RERE: variants seen among roughly 807,000 people sequenced by gnomAD.
RERE encodes the protein arginine-glutamic acid dipeptide repeats, also known as arginine-glutamic acid dipeptide repeats protein.
In RERE, 40 loss-of-function variants were observed where a neutral mutation model predicts 146.1. The ratio of observed to expected loss-of-function variants is 0.27; its 90% CI spans 0.21 to 0.36. The LOEUF is 0.36. Among genes scored for constraint, RERE ranks in the 10% least tolerant of loss-of-function variants. The pLI, the probability that RERE is intolerant of heterozygous loss-of-function variation, is 1.00. For missense variants in RERE, 1,933 were observed against 2,138.7 expected (o/e 0.90, Z 1.90); for synonymous variants, 1,003 against 866.0 (o/e 1.16, Z -2.78).
intron 7 of RERE, among the ~76,000 whole-genome samples, chr1:8,511,516 A>C (rs982155352): frequency 6.6e-6 from 1 of 152,248 alleles, no homozygotes; most frequent in African/African-American, 2.4e-5. Context: ...CAAGAGTTAC[A>C]GAATATAGAA....
At chr1:8,637,725 C>T (rs1438460079) in intron 2 of RERE, among the ~76,000 whole-genome samples, 1 of 152,194 alleles carries the variant, frequency 6.6e-6, no homozygotes, top group Non-Finnish European at 1.5e-5. Flanking sequence ...TCTATTGACA[C>T]AACATTTCTC....
intron 1 of RERE, among the ~76,000 whole-genome samples, chr1:8,682,828 GA>G (rs1456151582): frequency 6.6e-6 from 1 of 151,900 alleles, no homozygotes; most frequent in Non-Finnish European, 1.5e-5. Flanking sequence ...GTCTTTATTA[GA>G]AATGACAAGT....
At chr1:8,385,838 G>A (rs1387052995) in intron 12 of RERE, among the ~76,000 whole-genome samples, 1 of 149,312 alleles carries the variant, frequency 6.7e-6, no homozygotes, top group South Asian at 2.1e-4. Flanking sequence ...ACGTGGTGGC[G>A]GGCGCCTGTA....
Position 8,385,432 on chromosome 1 carries a change from G to A in RERE, c.1285-19458C>T, listed in dbSNP as rs893442276. Among the ~76,000 whole-genome samples, 26 of 152,244 alleles carry A rather than the reference G, an allele frequency of 1.7e-4. No homozygotes were observed. The East Asian group carries it at 1.7e-3, about 10-fold the overall frequency. Reference sequence around the variant, plus strand: ...AGCAGAAATCACAACTGATCCAAGGGAGACCCTGGATGCAACTGCAAAAAA... The same window carrying A: ...AGCAGAAATCACAACTGATCCAAGGAAGACCCTGGATGCAACTGCAAAAAA... On this transcript the variant is annotated intron_variant, in intron 12 of 22. Coordinates refer to ENST00000400908, the MANE Select transcript of RERE (RefSeq NM_001042681.2).
At chr1:8,453,808 C>CAA (rs34155514) in intron 11 of RERE, among the ~76,000 whole-genome samples, 2 of 151,116 alleles carry the variant, frequency 1.3e-5, no homozygotes, top group African/African-American at 2.4e-5. Context: ...GACTCTGTCT[C>CAA]AAAAAAAAAT....
chr1:8,506,821 G>A (rs1453933717), intron 8 of RERE, among the ~76,000 whole-genome samples: 2 of 152,146 alleles, frequency 1.3e-5, no homozygotes, highest in African/African-American at 4.8e-5. Flanking sequence ...AAGATCCACT[G>A]TTATTTTATG....
At chr1:8,525,606 C>T (rs893295544) in intron 7 of RERE, among the ~76,000 whole-genome samples, 3 of 152,228 alleles carry the variant, frequency 2.0e-5, no homozygotes, top group Non-Finnish European at 4.4e-5. Context: ...TTTTACGCTT[C>T]ACAATACCAC....
At chr1:8,591,234 A>C (rs995417570) in intron 4 of RERE, among the ~76,000 whole-genome samples, 1 of 152,194 alleles carries the variant, frequency 6.6e-6, no homozygotes, top group African/African-American at 2.4e-5. Flanking sequence ...GCCTTTCTCT[A>C]TAAATAACTT....
intron 4 of RERE, among the ~76,000 whole-genome samples, chr1:8,608,347 T>TA (rs1393295905): frequency 6.6e-6 from 1 of 151,822 alleles, no homozygotes; most frequent in African/African-American, 2.4e-5. Flanking sequence ...TACAAAAATT[T>TA]AAAAAATTTT....
chr1:8,687,279 G>A (rs1175571003), intron 1 of RERE, among the ~76,000 whole-genome samples: 1 of 152,154 alleles, frequency 6.6e-6, no homozygotes, highest in African/African-American at 2.4e-5. Flanking sequence ...ACAAGCAGTG[G>A]GGAAAGCACA....
chr1:8,626,213 A>T (rs72855845), intron 2 of RERE, among the ~76,000 whole-genome samples: 2,837 of 152,244 alleles, frequency 0.019, 111 homozygotes, highest in African/African-American at 0.066. Context: ...CTAGATAAAA[A>T]CTGTAGCTCC....
chr1:8,668,164 A>G (rs183377387), intron 1 of RERE, among the ~76,000 whole-genome samples: 13 of 152,408 alleles, frequency 8.5e-5, no homozygotes, highest in Non-Finnish European at 2.9e-5. Context: ...TATGCAATCC[A>G]TAAAACACCA....
chr1:8,492,992 T>A (rs958732331), intron 10 of RERE, among the ~76,000 whole-genome samples: 1 of 152,150 alleles, frequency 6.6e-6, no homozygotes, highest in African/African-American at 2.4e-5. Flanking sequence ...GAGGATCACT[T>A]GAGCCTGGGA....
chr1:8,810,034 C>T (rs1569845158), intron 1 of RERE, among the ~76,000 whole-genome samples: 1 of 152,234 alleles, frequency 6.6e-6, no homozygotes, highest in East Asian at 1.9e-4. Flanking sequence ...GAGACAGAGT[C>T]TTGCTCTGTC....
At chr1:8,522,700 C>T (rs780372918) in intron 7 of RERE, among the ~76,000 whole-genome samples, 8 of 151,688 alleles carry the variant, frequency 5.3e-5, no homozygotes, top group Non-Finnish European at 1.2e-4. Context: ...GGTGAAACCC[C>T]GTCTCTACTA....
At chr1:8,732,884 C>T (rs1356910226) in intron 1 of RERE, among the ~76,000 whole-genome samples, 3 of 125,370 alleles carry the variant, frequency 2.4e-5, no homozygotes, top group African/African-American at 8.9e-5. Flanking sequence ...TGCAGTGGCG[C>T]TATCTCAGCT....
chr1:8,467,806 G>T (rs1007443977), intron 10 of RERE, among the ~76,000 whole-genome samples: 11 of 151,962 alleles, frequency 7.2e-5, no homozygotes, highest in African/African-American at 2.4e-4. Context: ...CACCACGCCC[G>T]GCTTATTTTT....
chr1:8,389,379 G>A (rs1052699638), intron 12 of RERE, among the ~76,000 whole-genome samples: 4 of 152,162 alleles, frequency 2.6e-5, no homozygotes, highest in Non-Finnish European at 5.9e-5. Flanking sequence ...GGCGTGTGAC[G>A]TCAACGCCTT....
intron 2 of RERE, among the ~76,000 whole-genome samples, chr1:8,636,066 G>C (rs1193158235): frequency 6.6e-6 from 1 of 151,870 alleles, no homozygotes; most frequent in South Asian, 2.1e-4. Context: ...TCAGCTCACC[G>C]CAACCTCCGC....
Sources: allele counts gnomAD v4.1 joint callset (sites outside exome capture counted in the v4.1 genomes callset), GRCh38; gene constraint gnomAD v4.1.1; transcripts MANE v1.5; gene names NCBI Gene and HGNC (gene_info 2026-07-23, HGNC 2026-07-21).